Variants in ABCA2 observed in about 807,000 individuals in gnomAD.
ABCA2 encodes ATP-binding cassette sub-family A member 2.
A neutral mutation model predicts 262.8 loss-of-function variants in ABCA2; 84 were observed. The ratio of observed to expected loss-of-function variants is 0.32; its 90% CI spans 0.27 to 0.38. The LOEUF is 0.38. Ranked by LOEUF, ABCA2 falls within the 10% of genes least tolerant of loss-of-function variation. The pLI is 1.00. For missense variants in ABCA2, 2,662 were observed against 3,405.9 expected, an observed-to-expected ratio of 0.78 and a Z score of 5.44; for synonymous variants, 1,696 against 1,502.9, an observed-to-expected ratio of 1.13 and a Z score of -2.97.
rs1253550161 is a variant in ABCA2 at position 137,021,042 on chromosome 9, T to C, written c.917A>G (p.Asn306Ser). 5.4e-6 allele frequency: 8 copies of C among 1,480,702 alleles called. No individual in the cohort carries two copies. The highest frequency in any genetic ancestry group is 2.4e-5 in the East Asian group (1 of 40,858). 91.7% of individuals were successfully genotyped at this position (1,480,702 alleles called of 1,614,324 possible). A position where few individuals can be genotyped will look rare whatever the true frequency, so the allele number is the denominator to read the frequency against. Residue 306 changes from asparagine to serine, a missense_variant, in exon 9 of 49, where the codon AAC (asparagine) becomes AGC (serine). Coordinates refer to ENST00000341511, the MANE Select transcript of ABCA2 (RefSeq NM_001606.5). The surrounding 1 kb of genome is among the most constrained non-coding windows in gnomAD (Gnocchi z 6.0). ...CGCCTGTGGCGAGGAGTCCGAGCCG[T>C]TGGGGGCATCCAGGCCCAGCTGAGG... is the stretch of plus-strand genomic sequence containing the variant. ...VSQQLGLDAP[N>S]GSDSSPQAPP...
chr9:137,009,860 G>T lies in ABCA2; in HGVS notation c.6539C>A (p.Ala2180Glu). Residue 2180 changes from alanine to glutamate, a missense_variant, in exon 43 of 49, where the codon GCA becomes GAA. Transcript: ENST00000341511. ...GCTGTAGGTGCCAGCCGGCTTGTCTGCGTACTTGGTCAGCTCCAGCTTCTC... is the reference window on the plus strand; with the variant it reads ...GCTGTAGGTGCCAGCCGGCTTGTCTTCGTACTTGGTCAGCTCCAGCTTCTC... ...ALEKLELTKYADKPAGTYSGG... is the reference protein window; with the variant it reads ...ALEKLELTKYEDKPAGTYSGG... The T allele has an allele frequency of 6.2e-7, 1 of 1,612,330 alleles. No individual in the cohort carries two copies. The highest frequency in any genetic ancestry group is 8.5e-7 in the Non-Finnish European group (1 of 1,179,680).
rs768859234 is a variant in ABCA2, at chr9:137,016,419, G to A, written c.2976C>T (p.Cys992=). The change falls in exon 21 of 49, where the codon TGC becomes TGT. Residue 992 remains cysteine (C), a synonymous_variant. Coordinates refer to ENST00000341511, the MANE Select transcript of ABCA2 (RefSeq NM_001606.5). The part of the protein sequence containing the change: ...EEPTHLPLVV[C]VDKLTKVYKD... ...TGTAGACCTTGGTGAGTTTGTCCACGCAGACAACCAGAGGCAGGTGGGTGG... is the reference window on the plus strand; with the variant it reads ...TGTAGACCTTGGTGAGTTTGTCCACACAGACAACCAGAGGCAGGTGGGTGG... 1.1e-5 allele frequency: 17 copies of A among 1,612,726 alleles called. No individual in the cohort carries two copies. The highest frequency in any genetic ancestry group is 9.3e-5 in the African/African-American group (7 of 74,920).
chr9:137,013,955 C>A lies in ABCA2; in HGVS notation c.4324G>T (p.Gly1442Trp). The change falls in exon 28 of 49, where the codon GGG becomes TGG. Residue 1442 changes from glycine (G) to tryptophan (W), a missense_variant. This residue lies in a region of ABCA2 where 75 missense variants were observed against 118.3 expected (regional missense o/e 0.63). Coordinates refer to ENST00000341511, the MANE Select transcript of ABCA2 (RefSeq NM_001606.5). ...CAGTGGAAGCGTTTGACCAGCAGCC[C>A]GTGGAACTGGCGCACCTTCAGCCAC... The part of the protein sequence containing the change: ...GGWLKVRQFH[G>W]LLVKRFHCAR... 6.2e-7 allele frequency: 1 copy of A among 1,612,220 alleles called. No individual in the cohort carries two copies. The highest frequency in any genetic ancestry group is 8.5e-7 in the Non-Finnish European group (1 of 1,179,880).
At position 137,022,380 on chromosome 9, in the gene ABCA2, G is replaced by A. The variant is rs1831501145; in HGVS notation, c.538C>T (p.Leu180Phe). Residue 180 changes from leucine to phenylalanine, a missense_variant, in exon 6 of 49, where the codon CTC (leucine) becomes TTC (phenylalanine). Physicochemically the swap from Leu to Phe is conservative, Grantham distance 22 (BLOSUM62 0). Around this residue, in one of 12 missense-constraint regions of ABCA2, gnomAD observed 403 missense variants for 375.9 expected, o/e 1.07. Transcript: ENST00000341511. ...GGCGGGTCCACACGGGCGGCCAAGA[G>A]TGCTTGGGCCGTGCTATTGGGCAGC... ...LSLPNSTAQA[L>F]LAARVDPPEV... 7 of 1,610,844 alleles carry A rather than the reference G, an allele frequency of 4.3e-6. No homozygotes were observed. Among genetic ancestry groups the A allele is most frequent in the Non-Finnish European group, 3.4e-6 (4 of 1,179,316 alleles).
Position 137,012,779 on chromosome 9 carries a change from T to G in ABCA2, c.5014A>C (p.Thr1672Pro). 6.2e-7 allele frequency: 1 copy of G among 1,612,610 alleles called. No homozygotes were observed. The highest frequency in any genetic ancestry group is 8.5e-7 in the Non-Finnish European group (1 of 1,179,892). ...QMRVVTGDIL[T>P]DITGHNVSEY... ...GAGACATTGTGGCCGGTGATGTCGGTCAGGATGTCGCCTGTGACCACCCGC... is the reference window on the plus strand; with the variant it reads ...GAGACATTGTGGCCGGTGATGTCGGGCAGGATGTCGCCTGTGACCACCCGC... The change falls in exon 31 of 49, where the codon ACC (threonine) becomes CCC (proline). Residue 1672 changes from threonine (T) to proline (P), a missense_variant. Physicochemically the swap from Thr to Pro is conservative, Grantham distance 38. This residue lies in a region of ABCA2 where 602 missense variants were observed against 897.4 expected (regional missense o/e 0.67). Coordinates refer to ENST00000341511, the MANE Select transcript of ABCA2 (RefSeq NM_001606.5).
At position 137,022,454 on chromosome 9, in the gene ABCA2, A is replaced by G. The variant is rs1257976623; in HGVS notation, c.464T>C (p.Val155Ala). Reference protein sequence around the residue: ...STVSSFSLDSVARNPQELWRF... With the variant: ...STVSSFSLDSAARNPQELWRF... ...CCAGAGCTCCTGCGGGTTTCTGGCC[A>G]CCGAGTCCAGAGAGAAGGAAGACAC... Residue 155 changes from valine to alanine, a missense_variant, in exon 6 of 49, where the codon GTG becomes GCG. Val to Ala is a moderately conservative substitution (Grantham distance 64, BLOSUM62 0). Transcript: ENST00000341511. 3 of 1,611,958 alleles carry G rather than the reference A, an allele frequency of 1.9e-6. No homozygotes were observed. In the Admixed American group the frequency reaches 5.0e-5, roughly 27 times the overall value.
At position 137,022,822 on chromosome 9, in the gene ABCA2, C is replaced by T; in HGVS notation, c.319G>A (p.Gly107Ser). ...GGCCGCGCTGGGTCAAACAGGTTGC[C>T]TTCCTCCACCACGCGGTCCAGGCGC... ...LERLDRVVEEGNLFDPARPSL... is the reference protein window; with the variant it reads ...LERLDRVVEESNLFDPARPSL... The change falls in exon 5 of 49, where the codon GGC becomes AGC. Residue 107 changes from glycine (G) to serine (S), a missense_variant. Around this residue, in one of 12 missense-constraint regions of ABCA2, gnomAD observed 101 missense variants for 152.3 expected, o/e 0.66. Coordinates refer to ENST00000341511, the MANE Select transcript of ABCA2 (RefSeq NM_001606.5). 1 of 1,590,028 alleles carries T rather than the reference C, an allele frequency of 6.3e-7. No individual in the cohort carries two copies. The highest frequency in any genetic ancestry group is 8.5e-7 in the Non-Finnish European group (1 of 1,169,590).
chr9:137,009,507 TG>T (rs754509518), intron 44 of ABCA2, 33 bp downstream of exon 44: 4 of 1,294,410 alleles, frequency 3.1e-6, no homozygotes, highest in Non-Finnish European at 4.5e-6. Context: ...TGCTGTGGGG[TG>T]GGGGCACAAA....
chr9:137,013,462 G>GGTACTC lies in ABCA2; in HGVS notation c.4543_4548dup (p.Glu1515_Tyr1516dup), dbSNP rs757165707. 6.3e-7 allele frequency: 1 copy of GGTACTC among 1,596,308 alleles called. No homozygotes were observed. The highest frequency in any genetic ancestry group is 1.1e-5 in the South Asian group (1 of 88,710). ...GGCTGCCCCCGCTGGAGGCCTCACC[G>GGTACTC]GTACTCGCGGCGCTCCTCGTTGGCG... On this transcript the variant is annotated inframe_insertion and splice_region_variant, in exon 29 of 49. Coordinates refer to ENST00000341511, the MANE Select transcript of ABCA2 (RefSeq NM_001606.5).
At position 137,013,879 on chromosome 9, in the gene ABCA2, A is replaced by G. The variant is rs763338627; in HGVS notation, c.4400T>C (p.Phe1467Ser). ...ALFSQILLPA[F>S]FVCVAMTVAL... The stretch of plus-strand genomic sequence containing the variant: ...CACGGTCATGGCCACGCAGACGAAG[A>G]AGGCTGGCAGCAAGATCTGGGAGAA... Residue 1467 changes from phenylalanine (F) to serine (S), a missense_variant, in exon 28 of 49, where the codon TTC (phenylalanine) becomes TCC (serine). By Grantham distance (155) the Phe-to-Ser change is radical (BLOSUM62 -2). Transcript: ENST00000341511. 3 of 1,612,158 alleles carry G rather than the reference A, an allele frequency of 1.9e-6. No homozygotes were observed. The highest frequency in any genetic ancestry group is 2.7e-5 in the African/African-American group (2 of 74,914).
Position 137,013,188 on chromosome 9 carries a change from T to C in ABCA2, c.4681A>G (p.Ser1561Gly). 6.2e-7 allele frequency: 1 copy of C among 1,602,216 alleles called. No homozygotes were observed. Among genetic ancestry groups the C allele is most frequent in the Non-Finnish European group, 8.5e-7 (1 of 1,176,294 alleles). The change falls in exon 30 of 49, where the codon AGC becomes GGC. Residue 1561 changes from serine (S) to glycine (G), a missense_variant. Ser to Gly is a moderately conservative substitution (Grantham distance 56). Transcript: ENST00000341511. ...GSLGPTLNLS[S>G]GESRLLAARF... ...GCCGCCAGCAGGCGCGACTCCCCGC[T>C]GCTCAGGTTCAACGTGGGCCCCAGC...
At position 137,019,984 on chromosome 9, in the gene ABCA2, G is replaced by T. The variant is rs1054992919; in HGVS notation, c.1425+352C>A. On this transcript the variant is annotated intron_variant, in intron 10 of 48. Coordinates refer to ENST00000341511, the MANE Select transcript of ABCA2 (RefSeq NM_001606.5). This position sits in a 1 kb window ranked among gnomAD's most constrained non-coding sequence, Gnocchi z 4.4. ...CCAGCCCTGGCCTCTGCTTGTTCCA[G>T]ACAGGACCCCTCACCCAGAACCCAA... The T allele has an allele frequency of 3.5e-6, 1 of 286,608 alleles. No individual in the cohort carries two copies. Among genetic ancestry groups the T allele is most frequent in the Admixed American group, 4.8e-5 (1 of 20,842 alleles). The allele number at this position is 286,608 out of a possible 1,614,324, so 17.8% of individuals were successfully genotyped here. A position where few individuals can be genotyped will look rare whatever the true frequency, so the allele number is the denominator to read the frequency against.
chr9:137,012,940 T>A lies in ABCA2; in HGVS notation c.4868-15A>T, dbSNP rs1831114403. The A allele has an allele frequency of 6.7e-7, 1 of 1,496,366 alleles. No individual in the cohort carries two copies. Among genetic ancestry groups the A allele is most frequent in the Admixed American group, 2.1e-5 (1 of 46,930 alleles). 92.7% of individuals were successfully genotyped at this position (1,496,366 alleles called of 1,614,324 possible). On this transcript the variant is annotated splice_polypyrimidine_tract_variant and intron_variant, in intron 30 of 48. Coordinates refer to ENST00000341511, the MANE Select transcript of ABCA2 (RefSeq NM_001606.5). ...CGTCCACATTTCTGTGGGCACAGCATGGTGCGGTGAGAAGGACCCCTCACT... is the reference window on the plus strand; with the variant it reads ...CGTCCACATTTCTGTGGGCACAGCAAGGTGCGGTGAGAAGGACCCCTCACT...
In ABCA2 at chr9:137,015,946, C is replaced by CAGG; in HGVS notation, c.3317+15_3317+16insCCT. On this transcript the variant is annotated intron_variant, in intron 22 of 48. Coordinates refer to ENST00000341511, the MANE Select transcript of ABCA2 (RefSeq NM_001606.5). ...GCCTCCGCCCACCTGCCCCGCCCCC[C>CAGG]GCCCAGCCCACCCACTTGTCCATCT... is the stretch of plus-strand genomic sequence containing the variant. 2 of 484,286 alleles carry CAGG rather than the reference C, an allele frequency of 4.1e-6. No homozygotes were observed. Among genetic ancestry groups the CAGG allele is most frequent in the Non-Finnish European group, 7.9e-6 (2 of 253,114 alleles). The allele number at this position is 484,286 out of a possible 1,614,324, so 30.0% of individuals were successfully genotyped here.
At position 137,008,115 on chromosome 9, in the gene ABCA2, G is replaced by A. The variant is rs1053249845; in HGVS notation, c.7276-151C>T. On this transcript the variant is annotated intron_variant, in intron 48 of 48. Transcript: ENST00000341511. The stretch of plus-strand genomic sequence containing the variant: ...GCTCCCTCTGTGTCTGGGCTCTCCC[G>A]GGCCTCCGTCTGCCGAGTCTGGGGG... The A allele has an allele frequency of 3.2e-5, 33 of 1,037,508 alleles. 1 individual carries two copies. The highest frequency in any genetic ancestry group is 1.5e-4 in the South Asian group (10 of 67,182). The allele number at this position is 1,037,508 out of a possible 1,614,324, so 64.3% of individuals were successfully genotyped here. A position where few individuals can be genotyped will look rare whatever the true frequency, so the allele number is the denominator to read the frequency against.
rs1239726814 is a variant in ABCA2 at position 137,013,092 on chromosome 9, G to C, written c.4777C>G (p.Pro1593Ala). Residue 1593 changes from proline to alanine, a missense_variant, in exon 30 of 49, where the codon CCA becomes GCA. This residue lies in a region of ABCA2 where 192 missense variants were observed against 207.2 expected (regional missense o/e 0.93). Coordinates refer to ENST00000341511, the MANE Select transcript of ABCA2 (RefSeq NM_001606.5). ...GAGTCAGATGGGGCGGGCGAGGGTG[G>C]GGGTGGCACGAAATTGGACAGTGGC... is the stretch of plus-strand genomic sequence containing the variant. ...GLPLSNFVPP[P>A]PSPAPSDSPA... 1 of 1,581,004 alleles carries C rather than the reference G, an allele frequency of 6.3e-7. No individual in the cohort carries two copies. Among genetic ancestry groups the C allele is most frequent in the Non-Finnish European group, 8.6e-7 (1 of 1,166,558 alleles).
At chr9:137,016,773 G>T (rs1252316085) in intron 19 of ABCA2, 35 bp from the exon 20 acceptor site, 29 of 1,538,144 alleles carry the variant, frequency 1.9e-5, no homozygotes, top group African/African-American at 2.7e-5. Context: ...GGCTGACCTA[G>T]GGCCTGGGGT....
rs1831163163 is a variant in ABCA2 at position 137,013,990 on chromosome 9, A to G, written c.4289T>C (p.Leu1430Pro). The G allele has an allele frequency of 1.2e-6, 2 of 1,612,020 alleles. No individual in the cohort carries two copies. Among genetic ancestry groups the G allele is most frequent in the Non-Finnish European group, 1.7e-6 (2 of 1,179,900 alleles). Residue 1430 changes from leucine (L) to proline (P), a missense_variant, in exon 28 of 49, where the codon CTG becomes CCG. Physicochemically the swap from Leu to Pro is moderately conservative, Grantham distance 98. Coordinates refer to ENST00000341511, the MANE Select transcript of ABCA2 (RefSeq NM_001606.5). ...LSRVGQGSRK[L>P]DGGWLKVRQF... Reference sequence around the variant, plus strand: ...GCGCACCTTCAGCCACCCGCCGTCCAGCTTGCGGCTGCCCTGGCCGACCCT... The same window carrying G: ...GCGCACCTTCAGCCACCCGCCGTCCGGCTTGCGGCTGCCCTGGCCGACCCT...
At position 137,017,343 on chromosome 9, in the gene ABCA2, G is replaced by A. The variant is rs751103493; in HGVS notation, c.2406C>T (p.Phe802=). 5.0e-6 allele frequency: 8 copies of A among 1,612,500 alleles called. No homozygotes were observed. In the South Asian group the frequency reaches 8.8e-5, roughly 18 times the overall value. The change falls in exon 18 of 49, where the codon TTC becomes TTT. Residue 802 remains phenylalanine (F), a synonymous_variant. Coordinates refer to ENST00000341511, the MANE Select transcript of ABCA2 (RefSeq NM_001606.5). ...VYAVATIMFC[F]LVSVLYSKAK... is the part of the protein sequence containing the mutation. ...CCTTGGAGTACAGCACAGACACCAG[G>A]AAGCTGGGTGGGCAGGGGCCACGCG...
Sources: gnomAD v4.1 joint callset for allele counts on GRCh38, gnomAD v4.1.1 for gene constraint, gnomAD v4.1.1 regional missense constraint, Gnocchi (gnomAD v3.1) non-coding constraint, MANE v1.5 for transcripts, NCBI Gene and HGNC (gene_info 2026-07-23, HGNC 2026-07-21) for gene names.